DNM3: variants seen among roughly 807,000 people sequenced by gnomAD.
DNM3 encodes dynamin-3.
Under a neutral mutation model 101.6 loss-of-function variants are expected in DNM3, and 47 were observed. The observed-to-expected ratio is 0.46, with a 90% CI of 0.37 to 0.59. The LOEUF is 0.59. Ranked by LOEUF, DNM3 falls within the 20% of genes least tolerant of loss-of-function variation. The pLI is 0.00. For synonymous variants in DNM3, 385 were observed against 387.9 expected, an observed-to-expected ratio of 0.99 and a Z score of 0.09; for missense variants, 849 against 1,085.7, an observed-to-expected ratio of 0.78 and a Z score of 3.06.
chr1:172,205,342 A>G (rs779643550), intron 14 of DNM3, among the ~76,000 whole-genome samples: 1 of 152,086 alleles, frequency 6.6e-6, no homozygotes, highest in Non-Finnish European at 1.5e-5. Flanking sequence ...GCTCGTCTAA[A>G]TGGACTACCA....
At chr1:172,006,112 A>G (rs1421976319) in intron 4 of DNM3, among the ~76,000 whole-genome samples, 1 of 152,072 alleles carries the variant, frequency 6.6e-6, no homozygotes, top group African/African-American at 2.4e-5. Flanking sequence ...CTCCCATGAG[A>G]AAGCAAGACT....
intron 1 of DNM3, among the ~76,000 whole-genome samples, chr1:171,904,741 G>A (rs1199117147): frequency 6.6e-6 from 1 of 152,158 alleles, no homozygotes; most frequent in African/African-American, 2.4e-5. Context: ...GGCTATGTGG[G>A]TGTTGGGGAT....
chr1:172,191,944 C>T (rs746643861), intron 14 of DNM3, among the ~76,000 whole-genome samples: 2 of 151,530 alleles, frequency 1.3e-5, no homozygotes, highest in Non-Finnish European at 3.0e-5. Context: ...TCTAAATATA[C>T]CATCATGTCA....
Position 172,383,356 on chromosome 1 carries a change from C to G in DNM3, c.2059-3777C>G, listed in dbSNP as rs1573680982. ...TTACTTTTTAAAGCAGGAAAACTTCCTTGGTCTTTAGCAGAATTAAATCCC... is the reference window on the plus strand; with the variant it reads ...TTACTTTTTAAAGCAGGAAAACTTCGTTGGTCTTTAGCAGAATTAAATCCC... On this transcript the variant is annotated intron_variant, in intron 18 of 20. Coordinates refer to ENST00000627582, the MANE Select transcript of DNM3 (RefSeq NM_015569.5). 3.3e-5 allele frequency among the ~76,000 whole-genome samples: 5 copies of G among 152,178 alleles called. 1 individual carries two copies. In the South Asian group the frequency reaches 1.0e-3, roughly 32 times the overall value.
chr1:172,138,935 A>G (rs923513642), intron 14 of DNM3: 2 of 472,496 alleles, frequency 4.2e-6, no homozygotes, highest in African/African-American at 2.0e-5. Flanking sequence ...TCCTTTGCTC[A>G]TAGACAGATA....
chr1:172,108,337 T>C (rs572246756), intron 13 of DNM3, among the ~76,000 whole-genome samples: 60 of 152,068 alleles, frequency 3.9e-4, no homozygotes, highest in Admixed American at 7.2e-4. Context: ...AAGTCTCTTA[T>C]AGCTTCTGTG....
In DNM3 at chr1:172,040,945, G is replaced by A. The variant is rs1033469773; in HGVS notation, c.993-1064G>A. The stretch of plus-strand genomic sequence containing the variant: ...TGAGTTGGATGAGTGGTAAGAGATG[G>A]GGCTGAAGAGGCAGCCAAAGCCAGA... On this transcript the variant is annotated intron_variant, in intron 7 of 20. Coordinates refer to ENST00000627582, the MANE Select transcript of DNM3 (RefSeq NM_015569.5). Among the ~76,000 whole-genome samples the A allele has an allele frequency of 3.9e-5, 6 of 152,054 alleles. 1 individual carries two copies. The highest frequency in any genetic ancestry group is 8.8e-5 in the Non-Finnish European group (6 of 68,008).
At chr1:172,202,364 G>C (rs1431598657) in intron 14 of DNM3, among the ~76,000 whole-genome samples, 1 of 152,010 alleles carries the variant, frequency 6.6e-6, no homozygotes, top group Non-Finnish European at 1.5e-5. Flanking sequence ...AAGATTATTA[G>C]TTATTGAATC....
chr1:172,200,306 G>A (rs183335756), intron 14 of DNM3, among the ~76,000 whole-genome samples: 147 of 152,180 alleles, frequency 9.7e-4, no homozygotes, highest in African/African-American at 3.3e-3. Flanking sequence ...CTTTGTAGGT[G>A]ACCTGCCCTG....
At chr1:172,233,326 G>C (rs1022595401) in intron 14 of DNM3, among the ~76,000 whole-genome samples, 2 of 151,926 alleles carry the variant, frequency 1.3e-5, no homozygotes, top group Non-Finnish European at 2.9e-5. Context: ...TACACCCTCA[G>C]AAGACTAAAC....
At chr1:171,933,533 A>G (rs562064042) in intron 2 of DNM3, among the ~76,000 whole-genome samples, 2 of 152,310 alleles carry the variant, frequency 1.3e-5, no homozygotes, top group East Asian at 3.9e-4. Flanking sequence ...ATATTTATGT[A>G]GGCAGAGGTA....
chr1:172,001,232 G>A (rs1331163288), intron 4 of DNM3, among the ~76,000 whole-genome samples: 2 of 152,040 alleles, frequency 1.3e-5, no homozygotes, highest in African/African-American at 2.4e-5. Flanking sequence ...TATGATGGCT[G>A]AATATCTGCC....
chr1:172,390,079 T>C (rs943110057), intron 20 of DNM3, among the ~76,000 whole-genome samples: 2 of 152,228 alleles, frequency 1.3e-5, no homozygotes, highest in African/African-American at 4.8e-5. Context: ...ACCACTGTTA[T>C]CATTTTGGTC....
At chr1:171,932,058 C>T (rs1184178037) in intron 2 of DNM3, among the ~76,000 whole-genome samples, 2 of 110,274 alleles carry the variant, frequency 1.8e-5, no homozygotes, top group Non-Finnish European at 3.8e-5. Context: ...CCCCCACCCT[C>T]CCTCCATTCC....
intron 2 of DNM3, among the ~76,000 whole-genome samples, chr1:171,962,018 TC>T (rs1236777852): frequency 6.6e-6 from 1 of 152,134 alleles, no homozygotes; most frequent in African/African-American, 2.4e-5. Context: ...CTCTGCAGAG[TC>T]CTGAGGTGGC....
chr1:172,191,707 A>C lies in DNM3; in HGVS notation c.1659+60419A>C, dbSNP rs540086990. On this transcript the variant is annotated intron_variant, in intron 14 of 20. Transcript: ENST00000627582. Reference sequence around the variant, plus strand: ...TTTATTTCGTTGAGCAGTGGTTTGTAGTTCTCCTTGAAGAGGTCCTTCACA... The same window carrying C: ...TTTATTTCGTTGAGCAGTGGTTTGTCGTTCTCCTTGAAGAGGTCCTTCACA... Among the ~76,000 whole-genome samples, 322 of 152,198 alleles carry C rather than the reference A, an allele frequency of 2.1e-3. 1 individual carries two copies. Among genetic ancestry groups the C allele is most frequent in the African/African-American group, 7.3e-3 (302 of 41,550 alleles).
chr1:171,938,733 C>T (rs954618491), intron 2 of DNM3, among the ~76,000 whole-genome samples: 1 of 152,106 alleles, frequency 6.6e-6, no homozygotes, highest in Non-Finnish European at 1.5e-5. Flanking sequence ...ATATTAAGGT[C>T]GGACTTGGTC....
At chr1:171,842,489 C>A (rs535179189) in intron 1 of DNM3, among the ~76,000 whole-genome samples, 3 of 152,178 alleles carry the variant, frequency 2.0e-5, no homozygotes, top group Non-Finnish European at 4.4e-5. Flanking sequence ...GGTGTGTTTG[C>A]GTGTGCACCT....
In DNM3 at chr1:172,272,388, G is replaced by A. The variant is rs529076848; in HGVS notation, c.1769+18706G>A. 5.9e-5 allele frequency among the ~76,000 whole-genome samples: 9 copies of A among 152,152 alleles called. No homozygotes were observed. In the South Asian group the frequency reaches 1.7e-3, roughly 28 times the overall value. On this transcript the variant is annotated intron_variant, in intron 15 of 20. Coordinates refer to ENST00000627582, the MANE Select transcript of DNM3 (RefSeq NM_015569.5). Reference sequence around the variant, plus strand: ...AGTGAAACTTGCTTTTTTTAAAACTGTGATGACATAGCAGTGAAGGCTACA... The same window carrying A: ...AGTGAAACTTGCTTTTTTTAAAACTATGATGACATAGCAGTGAAGGCTACA...
Sources: allele counts gnomAD v4.1 joint callset (sites outside exome capture counted in the v4.1 genomes callset), GRCh38; gene constraint gnomAD v4.1.1; transcripts MANE v1.5; gene names NCBI Gene and HGNC (gene_info 2026-07-23, HGNC 2026-07-21).